Variants in ZMYND8 observed in about 807,000 individuals in gnomAD.
The protein encoded by ZMYND8 is zinc finger MYND-type containing 8, also known as MYND-type zinc finger-containing chromatin reader ZMYND8.
A neutral mutation model predicts 140.8 loss-of-function variants in ZMYND8; 37 were observed. The observed-to-expected ratio is 0.26, with a 90% CI of 0.20 to 0.35. ZMYND8 has a LOEUF of 0.35. ZMYND8 is among the 10% of genes least tolerant of loss of function. ZMYND8 has a pLI of 1.00. For missense variants in ZMYND8, 1,068 were observed against 1,570.0 expected, an observed-to-expected ratio of 0.68 and a Z score of 5.40; for synonymous variants, 592 against 597.1, an observed-to-expected ratio of 0.99 and a Z score of 0.12.
rs2077801759 is a variant in ZMYND8, at chr20:47,298,620, A to C, written c.453+109T>G. 6.6e-7 allele frequency: 1 copy of C among 1,514,878 alleles called. No individual in the cohort carries two copies. The highest frequency in any genetic ancestry group is 8.9e-7 in the Non-Finnish European group (1 of 1,129,842). The allele number at this position is 1,514,878 out of a possible 1,614,324, so 93.8% of individuals were successfully genotyped here. A position where few individuals can be genotyped will look rare whatever the true frequency, so the allele number is the denominator to read the frequency against. ...AGGATAGAACAGGTGGAAAGCAAGA[A>C]ATTTCTCTTTTCCATCTATCTGGAT... On this transcript the variant is annotated intron_variant, in intron 4 of 22. Transcript: ENST00000471951. The surrounding 1 kb of genome is among the most constrained non-coding windows in gnomAD (Gnocchi z 5.0).
chr20:47,266,862 A>C (rs1282106883), intron 11 of ZMYND8, among the ~76,000 whole-genome samples: 1 of 152,158 alleles, frequency 6.6e-6, no homozygotes, highest in Non-Finnish European at 1.5e-5. Context: ...GTACATAAAC[A>C]GATCTACAAT....
chr20:47,279,968 CA>C (rs934085367), intron 10 of ZMYND8, among the ~76,000 whole-genome samples: 1 of 151,842 alleles, frequency 6.6e-6, no homozygotes, highest in Non-Finnish European at 1.5e-5. Flanking sequence ...ACTGAAAATA[CA>C]AAAAATTAGT....
chr20:47,216,495 C>CAAAA (rs10536216), intron 21 of ZMYND8, among the ~76,000 whole-genome samples: 13,538 of 59,064 alleles, frequency 0.23, 2,328 homozygotes, highest in Non-Finnish European at 0.33. Flanking sequence ...GACTCTGTCT[C>CAAAA]AAAAAAAAAA....
In ZMYND8 at chr20:47,249,267, A is replaced by C. The variant is rs760644568; in HGVS notation, c.1774+20T>G. ...TAACAATGATACTGCTGGAAAAAAA[A>C]AACAAAACCAAAGGTATACCTAATT... On this transcript the variant is annotated intron_variant, in intron 13 of 22. Transcript: ENST00000471951. 2.5e-6 allele frequency: 4 copies of C among 1,603,708 alleles called. No individual in the cohort carries two copies. Among genetic ancestry groups the C allele is most frequent in the Non-Finnish European group, 3.4e-6 (4 of 1,175,850 alleles).
chr20:47,316,330 C>CA (rs796788882), intron 2 of ZMYND8, among the ~76,000 whole-genome samples: 2,277 of 92,974 alleles, frequency 0.024, 24 homozygotes, highest in African/African-American at 0.047. Context: ...GACTTTGTCT[C>CA]AAAAAAAAAA....
rs1428271177 is a variant in ZMYND8, at chr20:47,349,928, G to A, written c.15-2002C>T. 4 of 1,535,416 alleles carry A rather than the reference G, an allele frequency of 2.6e-6. No homozygotes were observed. The African/African-American group carries it at 4.1e-5, about 16-fold the overall frequency. ...GATCATGGAGGAAGGCTGCATTCAA[G>A]GGAACCATTATTTGGCTTGTAACAG... On this transcript the variant is annotated intron_variant, in intron 1 of 22. Coordinates refer to ENST00000471951, the MANE Select transcript of ZMYND8 (RefSeq NM_001281775.3).
Position 47,296,693 on chromosome 20 carries a change from C to T in ZMYND8, c.454-1914G>A, listed in dbSNP as rs184106736. Among the ~76,000 whole-genome samples, 3 of 152,286 alleles carry T rather than the reference C, an allele frequency of 2.0e-5. No homozygotes were observed. In the East Asian group the frequency reaches 5.8e-4, roughly 29 times the overall value. Reference sequence around the variant, plus strand: ...TTTGTTGGCCGGGCACAGTGGCTCACACCTATAATCCCAACAATTTGGGAG... The same window carrying T: ...TTTGTTGGCCGGGCACAGTGGCTCATACCTATAATCCCAACAATTTGGGAG... On this transcript the variant is annotated intron_variant, in intron 4 of 22. Coordinates refer to ENST00000471951, the MANE Select transcript of ZMYND8 (RefSeq NM_001281775.3).
At chr20:47,215,618 C>T (rs2035980263) in intron 21 of ZMYND8, among the ~76,000 whole-genome samples, 1 of 152,046 alleles carries the variant, frequency 6.6e-6, no homozygotes, top group South Asian at 2.1e-4. Context: ...AAGTAACCCC[C>T]CTGACTCAGC....
At chr20:47,321,676 A>G (rs183037750) in intron 2 of ZMYND8, among the ~76,000 whole-genome samples, 1 of 152,270 alleles carries the variant, frequency 6.6e-6, no homozygotes, top group East Asian at 1.9e-4. Context: ...GTCAGTCAAC[A>G]AATAGTCACT....
At chr20:47,302,639 A>G (rs893953804) in intron 3 of ZMYND8, among the ~76,000 whole-genome samples, 10 of 152,182 alleles carry the variant, frequency 6.6e-5, no homozygotes, top group African/African-American at 1.4e-4. Context: ...TTGGTTAAAG[A>G]TATTTATCTG....
chr20:47,324,962 T>C (rs893352023), intron 2 of ZMYND8, among the ~76,000 whole-genome samples: 12 of 152,242 alleles, frequency 7.9e-5, no homozygotes, highest in African/African-American at 2.2e-4. Flanking sequence ...TGGAGTACAA[T>C]GGTGTGACCT....
intron 3 of ZMYND8, among the ~76,000 whole-genome samples, chr20:47,304,197 G>A (rs1041571696): frequency 4.6e-5 from 7 of 152,194 alleles, no homozygotes; most frequent in Non-Finnish European, 4.4e-5. Flanking sequence ...GGATACTGCA[G>A]AAGAGAAAAT....
intron 2 of ZMYND8, among the ~76,000 whole-genome samples, chr20:47,334,322 G>A (rs976251020): frequency 6.6e-6 from 1 of 152,170 alleles, no homozygotes; most frequent in African/African-American, 2.4e-5. Flanking sequence ...GTCAGGAACT[G>A]TCTGTACTGA....
intron 21 of ZMYND8, among the ~76,000 whole-genome samples, chr20:47,215,664 C>G (rs759845471): frequency 6.6e-6 from 1 of 152,074 alleles, no homozygotes; most frequent in Non-Finnish European, 1.5e-5. Context: ...TGGGCCCTAG[C>G]TCTAGAATAA....
intron 2 of ZMYND8, among the ~76,000 whole-genome samples, chr20:47,325,650 T>TA (rs2080347322): frequency 6.6e-6 from 1 of 152,116 alleles, no homozygotes; most frequent in Non-Finnish European, 1.5e-5. Flanking sequence ...AGCAGGGGAG[T>TA]AAGTAAAGAT....
Position 47,212,667 on chromosome 20 carries a change from C to T in ZMYND8, c.3543G>A (p.Pro1181=), listed in dbSNP as rs768562222. Residue 1181 remains proline (P), a synonymous_variant, in exon 22 of 23, where the codon CCG becomes CCA. Coordinates refer to ENST00000471951, the MANE Select transcript of ZMYND8 (RefSeq NM_001281775.3). The part of the protein sequence containing the change: ...AYAPTTTDHQ[P]HPNYPAQKYH... Reference sequence around the variant, plus strand: ...ACTTCTGGGCGGGGTAGTTGGGGTGCGGCTGGTGGTCTGTGGTGGTTGGGG... The same window carrying T: ...ACTTCTGGGCGGGGTAGTTGGGGTGTGGCTGGTGGTCTGTGGTGGTTGGGG... The T allele has an allele frequency of 2.2e-5, 36 of 1,613,662 alleles. 1 individual carries two copies. Among genetic ancestry groups the T allele is most frequent in the East Asian group, 4.5e-5 (2 of 44,872 alleles).
intron 9 of ZMYND8, 63 bp from the exon 10 acceptor site, chr20:47,282,280 T>A (rs2076651944): frequency 6.9e-7 from 1 of 1,444,686 alleles, no homozygotes; most frequent in African/African-American, 1.4e-5. Flanking sequence ...CTCACTAAAG[T>A]TTGGTATGTG....
At chr20:47,354,933 T>C (rs990445753) in intron 1 of ZMYND8, among the ~76,000 whole-genome samples, 1 of 152,096 alleles carries the variant, frequency 6.6e-6, no homozygotes, top group Non-Finnish European at 1.5e-5. Flanking sequence ...AAGGCCAAAA[T>C]GTGTTGGTCA....
intron 4 of ZMYND8, 26 bp from the exon 5 acceptor site, chr20:47,294,805 C>T (rs1372866834): frequency 4.4e-6 from 7 of 1,601,790 alleles, no homozygotes; most frequent in Middle Eastern, 1.6e-4. Flanking sequence ...CATACATAAA[C>T]GTCCGGTTAG....
Sources: allele counts gnomAD v4.1 joint callset (sites outside exome capture counted in the v4.1 genomes callset), GRCh38; gene constraint gnomAD v4.1.1; non-coding constraint Gnocchi (gnomAD v3.1); transcripts MANE v1.5; gene names NCBI Gene and HGNC (gene_info 2026-07-23, HGNC 2026-07-21).